The following DCBLD2 variants were observed in gnomAD, a reference collection of about 807,000 sequenced individuals.
The protein encoded by DCBLD2 is discoidin, CUB and LCCL domain containing 2.
DCBLD2 carries 54 observed loss-of-function variants against 86.8 expected under a neutral mutation model. The ratio of observed to expected loss-of-function variants is 0.62; its 90% confidence interval spans 0.50 to 0.78. The LOEUF is 0.78. DCBLD2 is among the 30% of genes least tolerant of loss of function. DCBLD2 has a pLI of 0.00. For synonymous variants in DCBLD2, 354 were observed against 341.3 expected, an observed-to-expected ratio of 1.04 and a Z score of -0.41; for missense variants, 908 against 954.2, an observed-to-expected ratio of 0.95 and a Z score of 0.64.
chr3:98,868,318 A>G (rs571520817), intron 2 of DCBLD2, among the ~76,000 whole-genome samples: 35 of 152,164 alleles, frequency 2.3e-4, no homozygotes, highest in Non-Finnish European at 4.4e-4. Context: ...ATTATATTTA[A>G]TTATAGATCT....
intron 2 of DCBLD2, among the ~76,000 whole-genome samples, chr3:98,881,051 T>C (rs1426843968): frequency 6.6e-6 from 1 of 151,966 alleles, no homozygotes; most frequent in Admixed American, 6.6e-5. Flanking sequence ...GAGACCAGCC[T>C]GGCCAACAGC....
At chr3:98,834,562 C>T (rs1234612042) in intron 3 of DCBLD2, among the ~76,000 whole-genome samples, 1 of 152,056 alleles carries the variant, frequency 6.6e-6, no homozygotes, top group South Asian at 2.1e-4. Flanking sequence ...ATTTGCTTAT[C>T]CATGCTTGGC....
At chr3:98,886,755 C>G (rs886844527) in intron 1 of DCBLD2, among the ~76,000 whole-genome samples, 4 of 149,142 alleles carry the variant, frequency 2.7e-5, no homozygotes, top group African/African-American at 9.8e-5. Flanking sequence ...AGTGTAAGGT[C>G]AGATGTGTTA....
intron 2 of DCBLD2, among the ~76,000 whole-genome samples, chr3:98,856,200 GGGCAGGATCTCACA>G (rs1205698491): frequency 6.6e-6 from 1 of 152,080 alleles, no homozygotes; most frequent in Non-Finnish European, 1.5e-5. Flanking sequence ...TCTTGGATGG[GGGCAGGATCTCACA>G]GGAGAGTAAG....
chr3:98,842,367 A>G (rs567332684), intron 3 of DCBLD2, among the ~76,000 whole-genome samples: 30 of 152,318 alleles, frequency 2.0e-4, no homozygotes, highest in African/African-American at 7.2e-4. Flanking sequence ...GTGTGGTCCT[A>G]AGACTAATTC....
chr3:98,886,137 A>G (rs1943557936), intron 1 of DCBLD2, among the ~76,000 whole-genome samples: 1 of 151,970 alleles, frequency 6.6e-6, no homozygotes, highest in Non-Finnish European at 1.5e-5. Flanking sequence ...AAAGATCAGC[A>G]GTTATACTAA....
intron 2 of DCBLD2, among the ~76,000 whole-genome samples, chr3:98,870,610 A>AGGAAAG (rs796431895): frequency 1.3e-5 from 2 of 150,910 alleles, no homozygotes; most frequent in African/African-American, 4.9e-5. Context: ...TAAGATGGAA[A>AGGAAAG]GGAAAGGGAA....
chr3:98,820,118 T>C, intron 7 of DCBLD2, 130 bp downstream of exon 7: 1 of 476,386 alleles, frequency 2.1e-6, no homozygotes, highest in Non-Finnish European at 3.4e-6. Flanking sequence ...ATTAGATAAC[T>C]ATCTTACCTC....
intron 2 of DCBLD2, among the ~76,000 whole-genome samples, chr3:98,857,363 G>A (rs368910035): frequency 3.3e-5 from 5 of 152,012 alleles, no homozygotes; most frequent in Non-Finnish European, 1.5e-5. Flanking sequence ...CCCAAGCTGG[G>A]TTGCCACTGC....
chr3:98,805,193 CGTAG>C (rs1187487257), intron 13 of DCBLD2: 7 of 151,804 alleles, frequency 4.6e-5, no homozygotes, highest in Admixed American at 2.0e-4. Flanking sequence ...CATTTTAAAG[CGTAG>C]GTATACTTAT....
At chr3:98,890,663 C>T (rs1011634555) in intron 1 of DCBLD2, among the ~76,000 whole-genome samples, 5 of 151,992 alleles carry the variant, frequency 3.3e-5, no homozygotes, top group African/African-American at 1.2e-4. Context: ...CTCTTGCTTC[C>T]TTCTCCCTTA....
chr3:98,900,887 G>C (rs1428163958), intron 1 of DCBLD2: 1 of 653,066 alleles, frequency 1.5e-6, no homozygotes, highest in Non-Finnish European at 2.5e-6. Flanking sequence ...AGGGTCTCAC[G>C]TCCCCCTTTC....
intron 2 of DCBLD2, among the ~76,000 whole-genome samples, chr3:98,864,117 T>C (rs1000223693): frequency 6.6e-6 from 1 of 152,200 alleles, no homozygotes; most frequent in Non-Finnish European, 1.5e-5. Context: ...TCATCATCAC[T>C]GGCCATCAGA....
At chr3:98,826,950 A>G (rs1942235101) in intron 3 of DCBLD2, among the ~76,000 whole-genome samples, 1 of 152,194 alleles carries the variant, frequency 6.6e-6, no homozygotes, top group Non-Finnish European at 1.5e-5. Context: ...AATGGTTACC[A>G]CAGCAAGCAT....
intron 9 of DCBLD2, chr3:98,812,809 C>T (rs1027704248): frequency 3.6e-5 from 6 of 164,604 alleles, no homozygotes; most frequent in Admixed American, 6.3e-5. Context: ...AAATCAGTAA[C>T]TCTAGTCCTG....
chr3:98,811,065 T>A (rs1941929684), intron 12 of DCBLD2, 129 bp downstream of exon 12: 1 of 1,053,084 alleles, frequency 9.5e-7, no homozygotes, highest in Non-Finnish European at 1.3e-6. Flanking sequence ...AAAATAAATT[T>A]TTTTTTTTGC....
intron 2 of DCBLD2, among the ~76,000 whole-genome samples, chr3:98,878,351 T>TA (rs1014176786): frequency 6.6e-6 from 1 of 152,154 alleles, no homozygotes; most frequent in Non-Finnish European, 1.5e-5. Flanking sequence ...TGGAATCTAA[T>TA]AATGAGGAAG....
intron 2 of DCBLD2, among the ~76,000 whole-genome samples, chr3:98,869,773 A>C (rs1045427186): frequency 2.0e-5 from 3 of 152,238 alleles, no homozygotes; most frequent in African/African-American, 7.2e-5. Context: ...TATTTCAGAA[A>C]AACTGAATTC....
chr3:98,808,806 C>G (rs964477515), intron 12 of DCBLD2, among the ~76,000 whole-genome samples: 1 of 151,886 alleles, frequency 6.6e-6, no homozygotes, highest in Non-Finnish European at 1.5e-5. Flanking sequence ...GCAATATGTA[C>G]AAAAATCTAT....
Sources: allele counts gnomAD v4.1 joint callset (sites outside exome capture counted in the v4.1 genomes callset), GRCh38; gene constraint gnomAD v4.1.1; transcripts MANE v1.5; gene names NCBI Gene and HGNC (gene_info 2026-07-23, HGNC 2026-07-21).